Variants in SHANK2 observed in about 807,000 individuals in gnomAD.
SHANK2 encodes SH3 and multiple ankyrin repeat domains 2.
In SHANK2, 43 loss-of-function variants were observed where a neutral mutation model predicts 133.7. That is an observed-to-expected ratio of 0.32 (90% CI 0.25 to 0.41). SHANK2 has a LOEUF of 0.41. Among genes scored for constraint, SHANK2 ranks in the 10% least tolerant of loss-of-function variants. The pLI, the probability that SHANK2 is intolerant of heterozygous loss-of-function variation, is 1.00. For synonymous variants in SHANK2, 1,017 were observed against 952.8 expected, an observed-to-expected ratio of 1.07 and a Z score of -1.24; for missense variants, 1,994 against 2,235.8, an observed-to-expected ratio of 0.89 and a Z score of 2.18.
intron 8 of SHANK2, among the ~76,000 whole-genome samples, chr11:71,079,961 G>A (rs1951276129): frequency 6.7e-6 from 1 of 149,888 alleles, no homozygotes; most frequent in African/African-American, 2.5e-5. Flanking sequence ...AGGAGGGAAA[G>A]AAGGAAAGAA....
intron 6 of SHANK2, among the ~76,000 whole-genome samples, chr11:71,105,700 G>A (rs1951792899): frequency 6.6e-6 from 1 of 151,558 alleles, no homozygotes; most frequent in African/African-American, 2.4e-5. Context: ...TTATGATACT[G>A]TGACGGTGGA....
intron 17 of SHANK2, chr11:70,631,853 C>A (rs74749783): frequency 6.6e-6 from 1 of 152,136 alleles, no homozygotes; most frequent in African/African-American, 2.4e-5. Context: ...AATTGGATCA[C>A]GCCCGGCCCG....
intron 17 of SHANK2, among the ~76,000 whole-genome samples, chr11:70,572,199 G>T (rs1258592904): frequency 6.6e-6 from 1 of 152,194 alleles, no homozygotes; most frequent in African/African-American, 2.4e-5. Flanking sequence ...TCACTCTGTC[G>T]CCCAGGCTGG....
intron 20 of SHANK2, among the ~76,000 whole-genome samples, chr11:70,501,149 G>A (rs1438027190): frequency 2.6e-5 from 4 of 152,206 alleles, no homozygotes; most frequent in Admixed American, 6.5e-5. Context: ...ACTGGTTCTG[G>A]GTGGGTGGGG....
rs184986781 is a variant in SHANK2, at chr11:71,244,856, A to G, written c.-113+7569T>C. ...GTAGCTGGGACTACAAGTGTGCCCC[A>G]CTGTGCCTGGCTAATTTTTGTATTT... is the stretch of plus-strand genomic sequence containing the variant. On this transcript the variant is annotated intron_variant, in intron 1 of 25. Transcript: ENST00000601538. 2.0e-5 allele frequency among the ~76,000 whole-genome samples: 3 copies of G among 152,088 alleles called. No individual in the cohort carries two copies. In the East Asian group the frequency reaches 5.8e-4, roughly 29 times the overall value.
In SHANK2 at chr11:70,831,631, C is replaced by T. The variant is rs138056468; in HGVS notation, c.1175-10949G>A. Reference sequence around the variant, plus strand: ...ATGTCTTTTGACAACTGCCTGACAACGGACTGAAAATAATTTCACTTCTTG... The same window carrying T: ...ATGTCTTTTGACAACTGCCTGACAATGGACTGAAAATAATTTCACTTCTTG... On this transcript the variant is annotated intron_variant, in intron 11 of 25. Transcript: ENST00000601538. Among the ~76,000 whole-genome samples the T allele has an allele frequency of 2.8e-3, 430 of 152,334 alleles. 3 individuals are homozygous for T. The highest frequency in any genetic ancestry group is 0.01 in the African/African-American group (416 of 41,562).
Position 70,472,642 on chromosome 11 carries a change from C to G in SHANK2, c.*227G>C, listed in dbSNP as rs1276680229. 2.2e-5 allele frequency: 13 copies of G among 584,658 alleles called. No homozygotes were observed. The highest frequency in any genetic ancestry group is 4.0e-5 in the Non-Finnish European group (13 of 326,762). 36.2% of individuals were successfully genotyped at this position (584,658 alleles called of 1,614,324 possible). A position where few individuals can be genotyped will look rare whatever the true frequency, so the allele number is the denominator to read the frequency against. ...TTTCCATGTTAGAAAAACTCCCTCC[C>G]CTTGTCCCATGTGTGATAGAAACTG... On this transcript the variant is annotated 3_prime_UTR_variant, in exon 26 of 26. Transcript: ENST00000601538. The surrounding 1 kb of genome is among the most constrained non-coding windows in gnomAD (Gnocchi z 4.4).
chr11:70,901,319 C>T lies in SHANK2; in HGVS notation c.1108-4752G>A, dbSNP rs140960738. Among the ~76,000 whole-genome samples the T allele has an allele frequency of 1.0e-3, 157 of 152,190 alleles. 1 individual carries two copies. The highest frequency in any genetic ancestry group is 0.01 in the Middle Eastern group (3 of 294). ...CAAACACCTTTGTAAAAAATAGAAG[C>T]ATAAGAAACAACAAATGACAAATTA... On this transcript the variant is annotated intron_variant, in intron 10 of 25. Coordinates refer to ENST00000601538, the MANE Select transcript of SHANK2 (RefSeq NM_012309.5).
At chr11:70,796,995 C>T (rs1228793917) in intron 14 of SHANK2, among the ~76,000 whole-genome samples, 9 of 152,188 alleles carry the variant, frequency 5.9e-5, no homozygotes, top group African/African-American at 1.9e-4. Context: ...AAGCTCTCTG[C>T]CCATTTCCAG....
intron 11 of SHANK2, among the ~76,000 whole-genome samples, chr11:70,890,246 G>A (rs1404931614): frequency 2.6e-5 from 4 of 152,154 alleles, no homozygotes; most frequent in Non-Finnish European, 4.4e-5. Context: ...GCTCATGCTT[G>A]TAATGCCAAC....
chr11:71,137,473 C>G (rs1266135868), intron 3 of SHANK2, among the ~76,000 whole-genome samples: 11 of 151,938 alleles, frequency 7.2e-5, no homozygotes, highest in Admixed American at 5.3e-4. Context: ...AAGGCCCAGC[C>G]CCCCCAAAGG....
chr11:71,233,892 C>A (rs1281667741), intron 1 of SHANK2, among the ~76,000 whole-genome samples: 1 of 151,460 alleles, frequency 6.6e-6, no homozygotes, highest in Non-Finnish European at 1.5e-5. Flanking sequence ...ACTAAAAGTA[C>A]AAAAATTAAC....
rs868981656 is a variant in SHANK2 at position 71,175,561 on chromosome 11, A to G, written c.-12-28223T>C. On this transcript the variant is annotated intron_variant, in intron 2 of 25. Transcript: ENST00000601538. The surrounding 1 kb of genome is among the most constrained non-coding windows in gnomAD (Gnocchi z 4.2). ...GAGGGAGAGGGAGAGGGAGAGAGAG[A>G]GAGAGAGAGAGAGAGAGAGAGAGAG... Among the ~76,000 whole-genome samples, 13 of 77,062 alleles carry G rather than the reference A, an allele frequency of 1.7e-4. No homozygotes were observed. Among genetic ancestry groups the G allele is most frequent in the African/African-American group, 2.2e-4 (3 of 13,428 alleles). The allele number at this position is 77,062 out of a possible 152,430, so 50.6% of individuals were successfully genotyped here.
At chr11:71,220,686 C>G (rs540124859) in intron 2 of SHANK2, among the ~76,000 whole-genome samples, 18 of 152,152 alleles carry the variant, frequency 1.2e-4, no homozygotes, top group African/African-American at 4.3e-4. Context: ...CACAAAATCT[C>G]ACATGACCCC....
intron 10 of SHANK2, among the ~76,000 whole-genome samples, chr11:70,952,167 G>A (rs782526143): frequency 2.0e-5 from 3 of 152,168 alleles, no homozygotes; most frequent in Non-Finnish European, 4.4e-5. Context: ...TTCTGCAGAC[G>A]GGAATGCTAG....
At chr11:70,733,799 A>T (rs1555032809) in intron 14 of SHANK2, among the ~76,000 whole-genome samples, 1 of 152,168 alleles carries the variant, frequency 6.6e-6, no homozygotes, top group African/African-American at 2.4e-5. Context: ...AGGCCCAAGA[A>T]GAGGGGCAGG....
intron 17 of SHANK2, among the ~76,000 whole-genome samples, chr11:70,583,810 A>AC (rs1554986064): frequency 6.6e-6 from 1 of 152,006 alleles, no homozygotes; most frequent in East Asian, 1.9e-4. Flanking sequence ...TCTCACCATC[A>AC]CCCCACGGTA....
At chr11:71,124,080 T>C (rs1468417991) in intron 3 of SHANK2, among the ~76,000 whole-genome samples, 7 of 116,480 alleles carry the variant, frequency 6.0e-5, no homozygotes, top group Admixed American at 3.5e-4. Flanking sequence ...GATGGAGATG[T>C]TGGTAATGGC....
intron 11 of SHANK2, among the ~76,000 whole-genome samples, chr11:70,883,318 C>T (rs1949685064): frequency 6.6e-6 from 1 of 152,176 alleles, no homozygotes; most frequent in Admixed American, 6.5e-5. Flanking sequence ...ACTCTATGCC[C>T]CATTGGGATT....
Sources: gnomAD v4.1 joint callset for allele counts (sites outside exome capture counted in the v4.1 genomes callset) on GRCh38, gnomAD v4.1.1 for gene constraint, Gnocchi (gnomAD v3.1) non-coding constraint, MANE v1.5 for transcripts, NCBI Gene and HGNC (gene_info 2026-07-23, HGNC 2026-07-21) for gene names.